PDCL3: variants seen among roughly 807,000 people sequenced by gnomAD.
PDCL3 encodes the protein phosducin-like protein 3.
In PDCL3, 22 loss-of-function variants were observed where a neutral mutation model predicts 26.5. The observed-to-expected ratio is 0.83, with a 90% CI of 0.59 to 1.19. The LOEUF is 1.19. PDCL3 is among the 50% of genes most tolerant of loss of function. The pLI is 0.00. For missense variants in PDCL3, 246 were observed against 294.1 expected (o/e 0.84, Z 1.20); for synonymous variants, 81 against 104.9 (o/e 0.77, Z 1.39).
rs570393758 is a variant in PDCL3 at position 100,564,482 on chromosome 2, G to A, written c.6+1409G>A. ...CGGGTAATTTTTTGTATTTTTAGTA[G>A]AGACAAGGTTTCACCATGTTAGCCA... On this transcript the variant is annotated intron_variant, in intron 1 of 5. Transcript: ENST00000264254. Among the ~76,000 whole-genome samples, 3 of 152,132 alleles carry A rather than the reference G, an allele frequency of 2.0e-5. No homozygotes were observed. In the South Asian group the frequency reaches 6.2e-4, roughly 32 times the overall value.
intron 1 of PDCL3, 130 bp from the exon 2 acceptor site, chr2:100,566,373 C>T (rs1443423739): frequency 8.2e-7 from 1 of 1,223,840 alleles, no homozygotes; most frequent in Non-Finnish European, 1.1e-6. Context: ...TTGACACTTT[C>T]TCAGAAATAG....
intron 4 of PDCL3, among the ~76,000 whole-genome samples, chr2:100,570,081 G>A (rs1675138133): frequency 6.6e-6 from 1 of 152,202 alleles, no homozygotes; most frequent in African/African-American, 2.4e-5. Flanking sequence ...CTGCACTCCA[G>A]CCTGGGCGAC....
chr2:100,571,803 G>C lies in PDCL3; in HGVS notation c.577+5G>C. 6.2e-7 allele frequency: 1 copy of C among 1,614,066 alleles called. No individual in the cohort carries two copies. Among genetic ancestry groups the C allele is most frequent in the Non-Finnish European group, 8.5e-7 (1 of 1,179,962 alleles). On this transcript the variant is annotated splice_donor_5th_base_variant and intron_variant, in intron 5 of 5. Transcript: ENST00000264254. ...GCATGAACCTGACAAGAGATGGTAA[G>C]GGCTCTGGGAGACAGGCGGGGCAGT...
intron 4 of PDCL3, among the ~76,000 whole-genome samples, chr2:100,571,115 A>G (rs113255053): frequency 2.3e-3 from 56 of 24,044 alleles, no homozygotes; most frequent in Admixed American, 6.8e-3. Flanking sequence ...CTGTCTTTAC[A>G]AAAAAAAAAA....
intron 1 of PDCL3, 107 bp downstream of exon 1, chr2:100,563,180 G>A (rs1378833940): frequency 2.8e-6 from 4 of 1,415,568 alleles, no homozygotes; most frequent in South Asian, 2.7e-5. Context: ...CGGCGCCGCA[G>A]GCACGAGGGA....
chr2:100,566,464 GACTTAGCACTCATGGTA>G, intron 1 of PDCL3, 22 bp from the exon 2 acceptor site: 2 of 1,608,696 alleles, frequency 1.2e-6, no homozygotes, highest in Non-Finnish European at 1.7e-6. Flanking sequence ...CTACATACTA[GACTTAGCACTCATGGTA>G]ACCTTGGTCC....
At chr2:100,564,034 CCGGAGTAGCTGGG>C (rs1675011645) in intron 1 of PDCL3, among the ~76,000 whole-genome samples, 1 of 151,352 alleles carries the variant, frequency 6.6e-6, no homozygotes, top group African/African-American at 2.4e-5. Flanking sequence ...TTGTCAGCCT[CCGGAGTAGCTGGG>C]ACCACAGGCG....
Position 100,566,541 on chromosome 2 carries a change from C to T in PDCL3, c.45C>T (p.Arg15=). 1.2e-6 allele frequency: 2 copies of T among 1,613,354 alleles called. No homozygotes were observed. Among genetic ancestry groups the T allele is most frequent in the Non-Finnish European group, 1.7e-6 (2 of 1,179,862 alleles). The change falls in exon 2 of 6, where the codon CGC becomes CGT. Residue 15 remains arginine, a synonymous_variant. Coordinates refer to ENST00000264254, the MANE Select transcript of PDCL3 (RefSeq NM_024065.5). ...NADTEWNDIL[R]KKGILPPKES... ...ACACTGAATGGAATGACATCTTACGCAAAAAGGGTATCTTACCCCCCAAGG... is the reference window on the plus strand; with the variant it reads ...ACACTGAATGGAATGACATCTTACGTAAAAAGGGTATCTTACCCCCCAAGG...
chr2:100,563,366 C>A lies in PDCL3; in HGVS notation c.6+293C>A, dbSNP rs957360304. 4.0e-5 allele frequency: 16 copies of A among 398,892 alleles called. No homozygotes were observed. The East Asian group carries it at 6.2e-4, about 15-fold the overall frequency. 24.7% of individuals were successfully genotyped at this position (398,892 alleles called of 1,614,324 possible). On this transcript the variant is annotated intron_variant, in intron 1 of 5. Coordinates refer to ENST00000264254, the MANE Select transcript of PDCL3 (RefSeq NM_024065.5). ...CGGGCCTGTGAAGGTCTTGCCGGATCCCGCCTAACAAAAGTTACCTCCTCT... is the reference window on the plus strand; with the variant it reads ...CGGGCCTGTGAAGGTCTTGCCGGATACCGCCTAACAAAAGTTACCTCCTCT...
rs1003978620 is a variant in PDCL3, at chr2:100,574,009, T to A, written c.577+2211T>A. ...TATATATAGAGAGAGATATATATATTTTTTTAATTTTTGAGACAGGGTCTT... is the reference window on the plus strand; with the variant it reads ...TATATATAGAGAGAGATATATATATATTTTTAATTTTTGAGACAGGGTCTT... On this transcript the variant is annotated intron_variant, in intron 5 of 5. Coordinates refer to ENST00000264254, the MANE Select transcript of PDCL3 (RefSeq NM_024065.5). Among the ~76,000 whole-genome samples the A allele has an allele frequency of 6.6e-5, 10 of 152,200 alleles. No individual in the cohort carries two copies. The East Asian group carries it at 7.7e-4, about 12-fold the overall frequency.
chr2:100,566,441 C>T, intron 1 of PDCL3, 62 bp from the exon 2 acceptor site: 5 of 1,566,796 alleles, frequency 3.2e-6, no homozygotes, highest in South Asian at 1.2e-5. Context: ...GGCCCCTTGC[C>T]CAACGTGGCA....
At position 100,568,505 on chromosome 2, in the gene PDCL3, G is replaced by A. The variant is rs571774915; in HGVS notation, c.134-426G>A. On this transcript the variant is annotated intron_variant, in intron 2 of 5. Transcript: ENST00000264254. ...AAATTAGCTGGGTGTGGTGGCACAC[G>A]CCTGTAATCCCAGCTACTCAGGAGG... 1.9e-4 allele frequency among the ~76,000 whole-genome samples: 29 copies of A among 152,256 alleles called. 1 individual carries two copies. The East Asian group carries it at 5.0e-3, about 26-fold the overall frequency.
intron 5 of PDCL3, among the ~76,000 whole-genome samples, chr2:100,576,120 A>G (rs1014288597): frequency 6.6e-6 from 1 of 152,092 alleles, no homozygotes; most frequent in East Asian, 1.9e-4. Flanking sequence ...ACTGCTGCCC[A>G]GGCTGGAGTG....
chr2:100,566,710 G>T (rs1363772858), intron 2 of PDCL3, 81 bp downstream of exon 2: 2 of 1,574,260 alleles, frequency 1.3e-6, no homozygotes, highest in East Asian at 4.5e-5. Context: ...CCAGGAGACA[G>T]GTTGGAGTGC....
At chr2:100,575,359 T>C (rs367639645) in intron 5 of PDCL3, among the ~76,000 whole-genome samples, 1 of 152,140 alleles carries the variant, frequency 6.6e-6, no homozygotes, top group Non-Finnish European at 1.5e-5. Context: ...ATGGTCTCGA[T>C]CTCCAGACTT....
intron 2 of PDCL3, 104 bp from the exon 3 acceptor site, chr2:100,568,827 G>T (rs1675106041): frequency 2.3e-6 from 2 of 866,742 alleles, no homozygotes; most frequent in South Asian, 1.5e-5. Context: ...TAAGGATCTG[G>T]TGTTGTGTGC....
intron 1 of PDCL3, among the ~76,000 whole-genome samples, chr2:100,564,248 G>A (rs1360710933): frequency 6.6e-6 from 1 of 151,736 alleles, no homozygotes; most frequent in African/African-American, 2.4e-5. Flanking sequence ...GTCCCTTGAG[G>A]CCTTCCCTGA....
rs776615585 is a variant in PDCL3 at position 100,576,456 on chromosome 2, C to G, written c.680C>G (p.Ser227Cys). The G allele has an allele frequency of 1.9e-6, 3 of 1,613,312 alleles. No homozygotes were observed. The highest frequency in any genetic ancestry group is 2.5e-6 in the Non-Finnish European group (3 of 1,179,600). ...GTGTTGCTGTCCTCAGTGCGGCGCT[C>G]TGTCCTCATGAAGAGGGACAGCGAT... ...EDVLLSSVRR[S>C]VLMKRDSDSE... Residue 227 changes from serine (S) to cysteine (C), a missense_variant, in exon 6 of 6, where the codon TCT becomes TGT. By Grantham distance (112) the Ser-to-Cys change is moderately radical (BLOSUM62 -1). Transcript: ENST00000264254.
At chr2:100,574,566 A>G (rs1046011785) in intron 5 of PDCL3, among the ~76,000 whole-genome samples, 2 of 152,186 alleles carry the variant, frequency 1.3e-5, no homozygotes, top group Admixed American at 1.3e-4. Context: ...CCAAGTAATT[A>G]ACCATCCATC....
Sources: gnomAD v4.1 joint callset for allele counts (sites outside exome capture counted in the v4.1 genomes callset) on GRCh38, gnomAD v4.1.1 for gene constraint, MANE v1.5 for transcripts, NCBI Gene and HGNC (gene_info 2026-07-23, HGNC 2026-07-21) for gene names.